The following ANKRD13C variants were observed in gnomAD, a reference collection of about 807,000 sequenced individuals.
ANKRD13C encodes the protein ankyrin repeat domain 13C, also known as ankyrin repeat domain-containing protein 13C.
In ANKRD13C, 16 loss-of-function variants were observed where a neutral mutation model predicts 65.5. The observed-to-expected ratio is 0.24, with a 90% CI of 0.17 to 0.37. The LOEUF is 0.37. Among genes scored for constraint, ANKRD13C ranks in the 10% least tolerant of loss-of-function variants. The pLI is 1.00. For synonymous variants in ANKRD13C, 235 were observed against 238.7 expected, an observed-to-expected ratio of 0.98 and a Z score of 0.14; for missense variants, 503 against 655.9, an observed-to-expected ratio of 0.77 and a Z score of 2.55.
At chr1:70,311,691 T>G (rs1680856814) in intron 5 of ANKRD13C, among the ~76,000 whole-genome samples, 1 of 152,152 alleles carries the variant, frequency 6.6e-6, no homozygotes, top group Non-Finnish European at 1.5e-5. Flanking sequence ...CTGATTAATT[T>G]TCTATAATGT....
intron 12 of ANKRD13C, among the ~76,000 whole-genome samples, chr1:70,269,497 T>C (rs1403185732): frequency 6.6e-6 from 1 of 152,168 alleles, no homozygotes; most frequent in Non-Finnish European, 1.5e-5. Flanking sequence ...ACTCGAAATA[T>C]TTCCCTCACC....
intron 2 of ANKRD13C, among the ~76,000 whole-genome samples, chr1:70,333,921 C>T (rs1313409850): frequency 6.6e-6 from 1 of 152,022 alleles, no homozygotes; most frequent in East Asian, 1.9e-4. Flanking sequence ...TTAATGAATA[C>T]TTCTTTACTT....
At chr1:70,309,020 C>T (rs1025904552) in intron 5 of ANKRD13C, among the ~76,000 whole-genome samples, 1 of 151,106 alleles carries the variant, frequency 6.6e-6, no homozygotes, top group Admixed American at 6.6e-5. Context: ...ATTTGGCTAC[C>T]ACTTACTCCC....
chr1:70,322,137 A>C (rs1681337821), intron 3 of ANKRD13C, among the ~76,000 whole-genome samples: 1 of 152,164 alleles, frequency 6.6e-6, no homozygotes. Flanking sequence ...CAACATGGTG[A>C]AACCCCATCT....
Position 70,354,120 on chromosome 1 carries a change from C to T in ANKRD13C, c.289G>A (p.Gly97Ser). Residue 97 changes from glycine (G) to serine (S), a missense_variant, in exon 1 of 13, where the codon GGC (glycine) becomes AGC (serine). By Grantham distance (56) the Gly-to-Ser change is moderately conservative. Around this residue, in one of 2 missense-constraint regions of ANKRD13C, gnomAD observed 203 missense variants for 177.6 expected, o/e 1.14. Transcript: ENST00000370944. Reference protein sequence around the residue: ...ANSQSPALLAGTNPVAVVADG... With the variant: ...ANSQSPALLASTNPVAVVADG... ...GCGACGACAGCAACGGGGTTGGTGC[C>T]GGCCAGAAGGGCCGGGGACTGGGAG... The T allele has an allele frequency of 1.9e-6, 3 of 1,613,608 alleles. No homozygotes were observed. Among genetic ancestry groups the T allele is most frequent in the Non-Finnish European group, 2.5e-6 (3 of 1,179,658 alleles).
At chr1:70,330,341 T>A (rs1681729087) in intron 2 of ANKRD13C, among the ~76,000 whole-genome samples, 1 of 152,074 alleles carries the variant, frequency 6.6e-6, no homozygotes, top group African/African-American at 2.4e-5. Context: ...GTGGATCACC[T>A]GAGGTACGGG....
At chr1:70,281,868 G>A (rs903845939) in intron 9 of ANKRD13C, among the ~76,000 whole-genome samples, 1 of 151,060 alleles carries the variant, frequency 6.6e-6, no homozygotes, top group Non-Finnish European at 1.5e-5. Flanking sequence ...CCAACATGGT[G>A]AAACCCCGTC....
intron 1 of ANKRD13C, among the ~76,000 whole-genome samples, chr1:70,344,295 C>CA (rs1169730172): frequency 0.025 from 2,159 of 85,570 alleles, 84 homozygotes; most frequent in African/African-American, 0.081. Context: ...GATTCCATCT[C>CA]AAAAAAAAAA....
At chr1:70,310,828 T>TA (rs1354138531) in intron 5 of ANKRD13C, among the ~76,000 whole-genome samples, 1 of 151,930 alleles carries the variant, frequency 6.6e-6, no homozygotes, top group Non-Finnish European at 1.5e-5. Context: ...AAAAATGGGG[T>TA]AAAAAAGACA....
intron 7 of ANKRD13C, among the ~76,000 whole-genome samples, chr1:70,297,286 G>GGTTTTTGTTTTTTT (rs1558281019): frequency 8.0e-6 from 1 of 125,098 alleles, no homozygotes; most frequent in East Asian, 2.7e-4. Context: ...GTCCCTTTCT[G>GGTTTTTGTTTTTTT]ATTTTTTTTT....
chr1:70,333,827 C>G (rs1430001173), intron 2 of ANKRD13C, among the ~76,000 whole-genome samples: 1 of 152,184 alleles, frequency 6.6e-6, no homozygotes, highest in East Asian at 1.9e-4. Flanking sequence ...AGGAGAATGA[C>G]TGATTCCTCC....
intron 5 of ANKRD13C, among the ~76,000 whole-genome samples, chr1:70,309,862 G>A (rs1335369526): frequency 6.6e-6 from 1 of 151,796 alleles, no homozygotes; most frequent in Non-Finnish European, 1.5e-5. Context: ...AAAATTTAAA[G>A]TAGTGATCAT....
chr1:70,271,889 G>A (rs1678897411), intron 11 of ANKRD13C, among the ~76,000 whole-genome samples: 1 of 152,022 alleles, frequency 6.6e-6, no homozygotes, highest in African/African-American at 2.4e-5. Flanking sequence ...AACCATTTTT[G>A]TCCTCCATAT....
At chr1:70,296,079 T>C (rs772209580) in intron 8 of ANKRD13C, 51 bp downstream of exon 8, 53 of 1,577,668 alleles carry the variant, frequency 3.4e-5, no homozygotes, top group Non-Finnish European at 4.3e-5. Flanking sequence ...ATTTTGGAAA[T>C]ATTAAATACC....
chr1:70,339,560 C>T (rs1300025955), intron 1 of ANKRD13C, among the ~76,000 whole-genome samples: 1 of 151,882 alleles, frequency 6.6e-6, no homozygotes, highest in African/African-American at 2.4e-5. Flanking sequence ...CTCAAGTGAT[C>T]CACCCACCTT....
At chr1:70,339,851 ATTATTATTATT>A (rs1682231615) in intron 1 of ANKRD13C, among the ~76,000 whole-genome samples, 2 of 124,442 alleles carry the variant, frequency 1.6e-5, no homozygotes, top group Admixed American at 8.8e-5. Flanking sequence ...TATTATTATT[ATTATTATTATT>A]ATTTTGAAAC....
intron 2 of ANKRD13C, among the ~76,000 whole-genome samples, chr1:70,335,276 T>C (rs1376160275): frequency 6.6e-6 from 1 of 151,698 alleles, no homozygotes; most frequent in Non-Finnish European, 1.5e-5. Flanking sequence ...CGTGGTGGCA[T>C]GAGCCTGTAG....
intron 6 of ANKRD13C, 45 bp from the exon 7 acceptor site, chr1:70,300,953 G>T: frequency 6.4e-7 from 1 of 1,559,200 alleles, no homozygotes; most frequent in South Asian, 1.2e-5. Context: ...ATATAATTTT[G>T]ATAAAACTTC....
At chr1:70,269,831 G>C (rs574601934) in intron 12 of ANKRD13C, among the ~76,000 whole-genome samples, 1 of 151,940 alleles carries the variant, frequency 6.6e-6, no homozygotes, top group East Asian at 1.9e-4. Flanking sequence ...AAACATTTTG[G>C]CCTAAGTATT....
Sources: allele counts gnomAD v4.1 joint callset (sites outside exome capture counted in the v4.1 genomes callset), GRCh38; gene constraint gnomAD v4.1.1; regional missense constraint gnomAD v4.1.1; transcripts MANE v1.5; gene names NCBI Gene and HGNC (gene_info 2026-07-23, HGNC 2026-07-21).